ZCWPW2: variants seen among roughly 807,000 people sequenced by gnomAD.
ZCWPW2 encodes zinc finger CW-type PWWP domain protein 2.
Under a neutral mutation model 46.6 loss-of-function variants are expected in ZCWPW2, and 45 were observed. The observed-to-expected ratio is 0.96, with a 90% confidence interval of 0.76 to 1.24. ZCWPW2 has a LOEUF of 1.24. ZCWPW2 is among the 50% of genes most tolerant of loss of function. ZCWPW2 has a pLI of 0.00. For synonymous variants in ZCWPW2, 152 were observed against 137.1 expected, an observed-to-expected ratio of 1.11 and a Z score of -0.76; for missense variants, 429 against 403.9, an observed-to-expected ratio of 1.06 and a Z score of -0.53.
intron 1 of ZCWPW2, among the ~76,000 whole-genome samples, chr3:28,360,244 G>T (rs527605054): frequency 6.7e-6 from 1 of 150,318 alleles, no homozygotes; most frequent in South Asian, 2.1e-4. Flanking sequence ...GGTGGCTCAC[G>T]CCTGTAATTC....
chr3:28,434,166 T>A (rs972486173), intron 3 of ZCWPW2, among the ~76,000 whole-genome samples: 24 of 152,302 alleles, frequency 1.6e-4, no homozygotes, highest in African/African-American at 5.1e-4. Context: ...AACTTCCTTT[T>A]AAACAGAACA....
At chr3:28,424,148 G>A (rs1277495071) in intron 3 of ZCWPW2, among the ~76,000 whole-genome samples, 1 of 150,962 alleles carries the variant, frequency 6.6e-6, no homozygotes, top group Non-Finnish European at 1.5e-5. Context: ...TCACTACCTT[G>A]TTTTCATTCA....
chr3:28,376,968 G>A (rs1705518534), intron 1 of ZCWPW2, among the ~76,000 whole-genome samples: 1 of 152,048 alleles, frequency 6.6e-6, no homozygotes, highest in African/African-American at 2.4e-5. Context: ...TAGTTTTGAG[G>A]TTGAAATTAT....
chr3:28,474,591 G>A lies in ZCWPW2; in HGVS notation c.493-4223G>A, dbSNP rs867653881. Reference sequence around the variant, plus strand: ...TTTCTTGCCTTTAAATACAGCGTGTGTGTGTGTGTGTGTGTGTGTGTGTGT... The same window carrying A: ...TTTCTTGCCTTTAAATACAGCGTGTATGTGTGTGTGTGTGTGTGTGTGTGT... On this transcript the variant is annotated intron_variant, in intron 4 of 9. Transcript: ENST00000383768. Among the ~76,000 whole-genome samples the A allele has an allele frequency of 1.8e-3, 221 of 123,604 alleles. 2 individuals are homozygous for A. The highest frequency in any genetic ancestry group is 6.7e-3 in the African/African-American group (215 of 32,300). The allele number at this position is 123,604 out of a possible 152,430, so 81.1% of individuals were successfully genotyped here.
chr3:28,416,944 C>T (rs71319046), intron 3 of ZCWPW2, among the ~76,000 whole-genome samples: 30,811 of 144,960 alleles, frequency 0.21, 3,880 homozygotes, highest in Non-Finnish European at 0.29. Context: ...ATTTCTGCAT[C>T]GATGTTCATC....
intron 4 of ZCWPW2, among the ~76,000 whole-genome samples, chr3:28,476,056 C>A (rs1699228883): frequency 6.6e-6 from 1 of 151,474 alleles, no homozygotes; most frequent in Admixed American, 6.6e-5. Context: ...TTTAAAAAAT[C>A]AATTATATAT....
At chr3:28,464,761 A>C (rs1369633701) in intron 4 of ZCWPW2, among the ~76,000 whole-genome samples, 1 of 152,200 alleles carries the variant, frequency 6.6e-6, no homozygotes, top group African/African-American at 2.4e-5. Context: ...GAAGCTTAGA[A>C]TTTTGTTTCT....
chr3:28,446,740 A>G (rs537681340), intron 4 of ZCWPW2, among the ~76,000 whole-genome samples: 1 of 151,914 alleles, frequency 6.6e-6, no homozygotes, highest in African/African-American at 2.4e-5. Flanking sequence ...TGGTTCTTTG[A>G]AAAGATCAAT....
At chr3:28,474,021 A>G (rs1052205667) in intron 4 of ZCWPW2, among the ~76,000 whole-genome samples, 2 of 152,246 alleles carry the variant, frequency 1.3e-5, no homozygotes, top group Non-Finnish European at 2.9e-5. Flanking sequence ...ACTAAAGAGT[A>G]TAATTGGATT....
intron 6 of ZCWPW2, among the ~76,000 whole-genome samples, chr3:28,497,432 T>G (rs1448517794): frequency 1.3e-5 from 2 of 152,126 alleles, no homozygotes; most frequent in Non-Finnish European, 2.9e-5. Flanking sequence ...CATATATTGA[T>G]GAATATGTAG....
intron 2 of ZCWPW2, among the ~76,000 whole-genome samples, chr3:28,399,529 A>G (rs1216546284): frequency 6.6e-6 from 1 of 152,114 alleles, no homozygotes; most frequent in Non-Finnish European, 1.5e-5. Flanking sequence ...CCCAGAGTCC[A>G]TTTCATCCCC....
At chr3:28,506,649 G>T (rs1329388911) in intron 6 of ZCWPW2, among the ~76,000 whole-genome samples, 2 of 151,926 alleles carry the variant, frequency 1.3e-5, no homozygotes, top group South Asian at 2.1e-4. Context: ...CTTGGAGATG[G>T]TCCCTAATTT....
Position 28,413,074 on chromosome 3 carries a change from T to G in ZCWPW2, c.6T>G (p.Asp2Glu), listed in dbSNP as rs1696466723. M[D>E]KEKLDVKIEY... ...TTTCCAGATTAAATGCCTTAATGGA[T>G]AAAGAAAAATTGGATGTTAAGATTG... The change falls in exon 3 of 10, where the codon GAT (aspartate) becomes GAG (glutamate). Residue 2 changes from aspartate (D) to glutamate (E), a missense_variant. Asp to Glu is a conservative substitution (Grantham distance 45). Transcript: ENST00000383768. The G allele has an allele frequency of 6.2e-7, 1 of 1,606,856 alleles. No homozygotes were observed. The highest frequency in any genetic ancestry group is 1.1e-5 in the South Asian group (1 of 90,416).
chr3:28,474,606 TGTGTGTGTGTGTGTGC>T (rs1307885164), intron 4 of ZCWPW2, among the ~76,000 whole-genome samples: 6 of 149,250 alleles, frequency 4.0e-5, no homozygotes, highest in Admixed American at 6.6e-5. Context: ...TGTGTGTGTG[TGTGTGTGTGTGTGTGC>T]GCGCGCGCGC....
At chr3:28,358,905 C>T (rs1559472172) in intron 1 of ZCWPW2, among the ~76,000 whole-genome samples, 1 of 151,862 alleles carries the variant, frequency 6.6e-6, no homozygotes, top group Non-Finnish European at 1.5e-5. Flanking sequence ...GTTTTCCTAA[C>T]AATTTAATTT....
intron 2 of ZCWPW2, among the ~76,000 whole-genome samples, chr3:28,397,121 T>G (rs1402968363): frequency 1.4e-5 from 2 of 144,510 alleles, no homozygotes; most frequent in African/African-American, 5.1e-5. Context: ...AAAACCATAC[T>G]CTGTCTCAAA....
chr3:28,350,135 T>G (rs538809697), intron 1 of ZCWPW2, among the ~76,000 whole-genome samples: 13 of 152,302 alleles, frequency 8.5e-5, no homozygotes, highest in South Asian at 6.2e-4. Flanking sequence ...AGTCCTTAAA[T>G]TTTTTTATTG....
Position 28,390,489 on chromosome 3 carries a change from C to A in ZCWPW2, c.-133-9C>A, listed in dbSNP as rs1325441361. 7.2e-5 allele frequency: 71 copies of A among 985,096 alleles called. No homozygotes were observed. The highest frequency in any genetic ancestry group is 8.2e-5 in the Non-Finnish European group (68 of 829,836). The allele number at this position is 985,096 out of a possible 1,614,324, so 61.0% of individuals were successfully genotyped here. On this transcript the variant is annotated splice_polypyrimidine_tract_variant and intron_variant, in intron 1 of 9. Transcript: ENST00000383768. ...TTAAATTTGCTAGATTGATGTATAA[C>A]TTCTTCAGATTCATCCCAGTAGAAC...
rs146428301 is a variant in ZCWPW2 at position 28,358,665 on chromosome 3, A to T, written c.-134+9462A>T. On this transcript the variant is annotated intron_variant, in intron 1 of 9. Coordinates refer to ENST00000383768, the MANE Select transcript of ZCWPW2 (RefSeq NM_001040432.4). ...AAAGCATCATCACTTTTTCAACATCAAGTGTTGTGTAGTAGAATTCAAAGC... is the reference window on the plus strand; with the variant it reads ...AAAGCATCATCACTTTTTCAACATCTAGTGTTGTGTAGTAGAATTCAAAGC... Among the ~76,000 whole-genome samples, 386 of 152,196 alleles carry T rather than the reference A, an allele frequency of 2.5e-3. 1 individual carries two copies. Among genetic ancestry groups the T allele is most frequent in the African/African-American group, 8.4e-3 (350 of 41,564 alleles).
Sources: gnomAD v4.1 joint callset for allele counts (sites outside exome capture counted in the v4.1 genomes callset) on GRCh38, gnomAD v4.1.1 for gene constraint, MANE v1.5 for transcripts, NCBI Gene and HGNC (gene_info 2026-07-23, HGNC 2026-07-21) for gene names.